Variants in CARS1 observed in about 807,000 individuals in gnomAD.
CARS1 encodes cysteinyl-tRNA synthetase 1.
CARS1 carries 48 observed loss-of-function variants against 106.2 expected under a neutral mutation model. That is an observed-to-expected ratio of 0.45 (90% confidence interval 0.36 to 0.57). The LOEUF is 0.57. Ranked by LOEUF, CARS1 falls within the 20% of genes least tolerant of loss-of-function variation. The pLI is 0.00. For missense variants in CARS1, 968 were observed against 1,057.2 expected (o/e 0.92, Z 1.17); for synonymous variants, 409 against 403.4 (o/e 1.01, Z -0.17).
chr11:3,010,385 C>T (rs779304656), intron 18 of CARS1, among the ~76,000 whole-genome samples: 17 of 152,386 alleles, frequency 1.1e-4, no homozygotes, highest in Middle Eastern at 3.4e-3. Flanking sequence ...CCCAAGCCCA[C>T]GACCCCAGCG....
Position 3,050,250 on chromosome 11 carries a change from C to T in CARS1, c.26-2249G>A, listed in dbSNP as rs369023247. The stretch of plus-strand genomic sequence containing the variant: ...CTCGCTGGTGGGATGACGAGTGCAG[C>T]GTCCCTCTAACTTGCCCTGCTTCCT... On this transcript the variant is annotated intron_variant, in intron 1 of 22. Transcript: ENST00000380525. The surrounding 1 kb of genome is among the most constrained non-coding windows in gnomAD (Gnocchi z 6.3). Among the ~76,000 whole-genome samples the T allele has an allele frequency of 2.7e-4, 41 of 152,206 alleles. No homozygotes were observed. The highest frequency in any genetic ancestry group is 5.1e-4 in the Non-Finnish European group (35 of 67,998).
At position 3,001,185 on chromosome 11, in the gene CARS1, T is replaced by G. The variant is rs1329859730; in HGVS notation, c.2425A>C (p.Lys809Gln). 6.2e-7 allele frequency: 1 copy of G among 1,614,116 alleles called. No individual in the cohort carries two copies. The stretch of plus-strand genomic sequence containing the variant: ...AGCTTCTCCTGAGCCTCGAAGAGCT[T>G]CTTCAGCTTCTTGGCTTGCCCTTTG... ...LSKGQAKKLK[K>Q]LFEAQEKLYK... The change falls in exon 23 of 23, where the codon AAG (lysine) becomes CAG (glutamine). Residue 809 changes from lysine to glutamine, a missense_variant. By Grantham distance (53) the Lys-to-Gln change is moderately conservative. Transcript: ENST00000380525.
rs1478185146 is a variant in CARS1, at chr11:3,019,342, T to C, written c.1267-75A>G. ...GGCCTTTATCACTTATCACTCCAAG[T>C]TGATGGCCCTTACATCCTCTGAACT... is the stretch of plus-strand genomic sequence containing the variant. On this transcript the variant is annotated intron_variant, in intron 11 of 22. Coordinates refer to ENST00000380525, the MANE Select transcript of CARS1 (RefSeq NM_001014437.3). This position sits in a 1 kb window ranked among gnomAD's most constrained non-coding sequence, Gnocchi z 6.2. 9 of 1,319,948 alleles carry C rather than the reference T, an allele frequency of 6.8e-6. No individual in the cohort carries two copies. In the East Asian group the frequency reaches 1.7e-4, roughly 24 times the overall value. The allele number at this position is 1,319,948 out of a possible 1,614,324, so 81.8% of individuals were successfully genotyped here. A position where few individuals can be genotyped will look rare whatever the true frequency, so the allele number is the denominator to read the frequency against.
chr11:3,015,516 TG>T (rs1357935169), intron 17 of CARS1, among the ~76,000 whole-genome samples: 1 of 152,226 alleles, frequency 6.6e-6, no homozygotes, highest in Non-Finnish European at 1.5e-5. Flanking sequence ...CCTATGTAGT[TG>T]GGGTCCAAGA....
rs1177010184 is a variant in CARS1, at chr11:3,053,709, T to C, written c.25+3634A>G. On this transcript the variant is annotated intron_variant, in intron 1 of 22. Coordinates refer to ENST00000380525, the MANE Select transcript of CARS1 (RefSeq NM_001014437.3). The surrounding 1 kb of genome is among the most constrained non-coding windows in gnomAD (Gnocchi z 6.6). ...ACCTGCCAAATCAGAATCTCTGGGG[T>C]GGGCCCAGCAAGTGAGGTTTAAACC... 6.6e-6 allele frequency among the ~76,000 whole-genome samples: 1 copy of C among 151,976 alleles called. No homozygotes were observed. The highest frequency in any genetic ancestry group is 2.4e-5 in the African/African-American group (1 of 41,374).
intron 7 of CARS1, among the ~76,000 whole-genome samples, chr11:3,035,957 A>G (rs1159087451): frequency 6.6e-6 from 1 of 152,246 alleles, no homozygotes; most frequent in Non-Finnish European, 1.5e-5. Flanking sequence ...AGCAGCCCCC[A>G]GTGGGCTGTT....
chr11:3,009,765 T>A lies in CARS1; in HGVS notation c.2068+2430A>T, dbSNP rs149524494. ...CAGGGGAAACAGTTTCTTTTTCGTCTGTCTGTGGAGCATCTGGCCTGGGCC... is the reference window on the plus strand; with the variant it reads ...CAGGGGAAACAGTTTCTTTTTCGTCAGTCTGTGGAGCATCTGGCCTGGGCC... On this transcript the variant is annotated intron_variant, in intron 18 of 22. Transcript: ENST00000380525. Among the ~76,000 whole-genome samples, 374 of 152,338 alleles carry A rather than the reference T, an allele frequency of 2.5e-3. 1 individual carries two copies. Among genetic ancestry groups the A allele is most frequent in the African/African-American group, 8.3e-3 (347 of 41,580 alleles).
At position 3,057,374 on chromosome 11, in the gene CARS1, G is replaced by C. The variant is rs1856326151; in HGVS notation, c.-7C>G. 2.5e-6 allele frequency: 4 copies of C among 1,610,248 alleles called. No homozygotes were observed. Among genetic ancestry groups the C allele is most frequent in the Non-Finnish European group, 3.4e-6 (4 of 1,178,668 alleles). On this transcript the variant is annotated 5_prime_UTR_variant, in exon 1 of 23. Coordinates refer to ENST00000380525, the MANE Select transcript of CARS1 (RefSeq NM_001014437.3). Reference sequence around the variant, plus strand: ...GCCCGGAGGAATCTGCCATGGCTGGGAATCCCGGACCCGCAGCTGCGGCTA... The same window carrying C: ...GCCCGGAGGAATCTGCCATGGCTGGCAATCCCGGACCCGCAGCTGCGGCTA...
At chr11:3,054,628 G>C (rs967737311) in intron 1 of CARS1, among the ~76,000 whole-genome samples, 2 of 152,230 alleles carry the variant, frequency 1.3e-5, no homozygotes, top group Non-Finnish European at 2.9e-5. Context: ...CAGGTTGGGA[G>C]CCTGGCTGTG....
At chr11:3,024,049 C>A (rs964942083) in intron 10 of CARS1, among the ~76,000 whole-genome samples, 1 of 152,150 alleles carries the variant, frequency 6.6e-6, no homozygotes, top group African/African-American at 2.4e-5. Context: ...TGCGCCACCA[C>A]ACCCGGCTAA....
chr11:3,018,093 G>A (rs1851220073), intron 14 of CARS1, 139 bp from the exon 15 acceptor site: 1 of 636,576 alleles, frequency 1.6e-6, no homozygotes, highest in Non-Finnish European at 2.8e-6. Context: ...CAGAAAGAAA[G>A]GAAAAGATAT....
In CARS1 at chr11:3,019,511, T is replaced by G. The variant is rs531641052; in HGVS notation, c.1267-244A>C. ...GAGTTCAAGACCAGCCTGGCCAACA[T>G]GGTGAAACCCCGTCTCTACTAAAAA... On this transcript the variant is annotated intron_variant, in intron 11 of 22. Coordinates refer to ENST00000380525, the MANE Select transcript of CARS1 (RefSeq NM_001014437.3). The surrounding 1 kb of genome is among the most constrained non-coding windows in gnomAD (Gnocchi z 6.2). 1.3e-5 allele frequency among the ~76,000 whole-genome samples: 2 copies of G among 152,196 alleles called. No homozygotes were observed. The highest frequency in any genetic ancestry group is 3.9e-4 in the East Asian group (2 of 5,182).
chr11:3,009,838 C>T (rs190041985), intron 18 of CARS1, among the ~76,000 whole-genome samples: 5 of 152,350 alleles, frequency 3.3e-5, no homozygotes, highest in Admixed American at 6.5e-5. Context: ...TTGTTATACA[C>T]TCACTTTCTC....
chr11:3,038,348 G>C lies in CARS1; in HGVS notation c.652-149C>G, dbSNP rs1403509325. 5 of 714,884 alleles carry C rather than the reference G, an allele frequency of 7.0e-6. No homozygotes were observed. The highest frequency in any genetic ancestry group is 1.8e-5 in the African/African-American group (1 of 56,160). The allele number at this position is 714,884 out of a possible 1,614,324, so 44.3% of individuals were successfully genotyped here. A position where few individuals can be genotyped will look rare whatever the true frequency, so the allele number is the denominator to read the frequency against. On this transcript the variant is annotated intron_variant, in intron 6 of 22. Coordinates refer to ENST00000380525, the MANE Select transcript of CARS1 (RefSeq NM_001014437.3). This position sits in a 1 kb window ranked among gnomAD's most constrained non-coding sequence, Gnocchi z 4.0. ...GCAACCCAAGTGGCCAGGCAGTAAG[G>C]AACTAAGAGAGACTGAAGCTCCCGG...
At position 3,020,346 on chromosome 11, in the gene CARS1, G is replaced by A. The variant is rs369882094; in HGVS notation, c.1154-14C>T. On this transcript the variant is annotated splice_polypyrimidine_tract_variant and intron_variant, in intron 10 of 22. Transcript: ENST00000380525. This position sits in a 1 kb window ranked among gnomAD's most constrained non-coding sequence, Gnocchi z 4.6. ...TGCTCAGGTCACCTGCAAACACGAG[G>A]GACGCCAGGCAAGGTCACTCAGCAG... 1.2e-5 allele frequency: 18 copies of A among 1,561,710 alleles called. No homozygotes were observed. The highest frequency in any genetic ancestry group is 1.6e-5 in the Non-Finnish European group (18 of 1,132,702).
intron 10 of CARS1, among the ~76,000 whole-genome samples, chr11:3,024,054 G>A (rs868832282): frequency 1.7e-4 from 26 of 151,862 alleles, no homozygotes; most frequent in African/African-American, 5.3e-4. Context: ...CACCACACCC[G>A]GCTAATTTTT....
chr11:3,047,847 G>A lies in CARS1; in HGVS notation c.180C>T (p.Asp60=), dbSNP rs1283395863. 3.7e-6 allele frequency: 6 copies of A among 1,614,158 alleles called. No homozygotes were observed. In the South Asian group the frequency reaches 4.4e-5, roughly 12 times the overall value. ...AFRQLSAPPA[D]PQLFHVARWF... Reference sequence around the variant, plus strand: ...ACCGAGCCACGTGGAAGAGCTGGGGGTCAGCGGGCGGGGCCGAGAGCTGCC... The same window carrying A: ...ACCGAGCCACGTGGAAGAGCTGGGGATCAGCGGGCGGGGCCGAGAGCTGCC... The change falls in exon 2 of 23, where the codon GAC becomes GAT. Residue 60 remains aspartate (D), a synonymous_variant. Coordinates refer to ENST00000380525, the MANE Select transcript of CARS1 (RefSeq NM_001014437.3).
chr11:3,037,030 G>T lies in CARS1; in HGVS notation c.801+1020C>A, dbSNP rs1462014277. The stretch of plus-strand genomic sequence containing the variant: ...AATTAAAAAAAAAAAAAGAATATTA[G>T]TGGAACAACTGGGAAAAAAATTACA... On this transcript the variant is annotated intron_variant, in intron 7 of 22. Coordinates refer to ENST00000380525, the MANE Select transcript of CARS1 (RefSeq NM_001014437.3). This position sits in a 1 kb window ranked among gnomAD's most constrained non-coding sequence, Gnocchi z 5.9. Among the ~76,000 whole-genome samples, 2 of 151,944 alleles carry T rather than the reference G, an allele frequency of 1.3e-5. No individual in the cohort carries two copies. Among genetic ancestry groups the T allele is most frequent in the Non-Finnish European group, 2.9e-5 (2 of 67,982 alleles).
rs1850180020 is a variant in CARS1 at position 3,008,969 on chromosome 11, A to C, written c.2069-2010T>G. 1 of 152,330 alleles carries C rather than the reference A, an allele frequency of 6.6e-6. No individual in the cohort carries two copies. The highest frequency in any genetic ancestry group is 1.5e-5 in the Non-Finnish European group (1 of 68,186). 9.4% of individuals were successfully genotyped at this position (152,330 alleles called of 1,614,324 possible). A position where few individuals can be genotyped will look rare whatever the true frequency, so the allele number is the denominator to read the frequency against. ...AGCCCACCCGCCATGGGTGATCATC[A>C]GAGCAGGCACCAAGAAAGCCTCCCG... On this transcript the variant is annotated intron_variant, in intron 18 of 22. Transcript: ENST00000380525. The surrounding 1 kb of genome is among the most constrained non-coding windows in gnomAD (Gnocchi z 5.1).
Sources: gnomAD v4.1 joint callset for allele counts (sites outside exome capture counted in the v4.1 genomes callset) on GRCh38, gnomAD v4.1.1 for gene constraint, Gnocchi (gnomAD v3.1) non-coding constraint, MANE v1.5 for transcripts, NCBI Gene and HGNC (gene_info 2026-07-23, HGNC 2026-07-21) for gene names.